ADAMTS17: variants seen among roughly 807,000 people sequenced by gnomAD.
ADAMTS17 encodes A disintegrin and metalloproteinase with thrombospondin motifs 17.
In ADAMTS17, 113 loss-of-function variants were observed where a neutral mutation model predicts 141.5. That is an observed-to-expected ratio of 0.80 (90% CI 0.69 to 0.93). The LOEUF (loss-of-function observed/expected upper bound fraction) is 0.93, where lower values mean the gene tolerates loss of function less well. Ranked by LOEUF, ADAMTS17 falls within the 40% of genes least tolerant of loss-of-function variation. The pLI, the probability that ADAMTS17 is intolerant of heterozygous loss-of-function variation, is 0.00. For missense variants in ADAMTS17, 1,659 were observed against 1,517.9 expected (o/e 1.09, Z -1.54); for synonymous variants, 768 against 630.6 (o/e 1.22, Z -3.27).
intron 15 of ADAMTS17, among the ~76,000 whole-genome samples, chr15:100,073,273 G>C (rs36178621): frequency 0.039 from 5,900 of 152,252 alleles, 403 homozygotes; most frequent in African/African-American, 0.14. Context: ...ACAGGTGCTG[G>C]AGAGGATGTG....
At chr15:100,112,025 C>T (rs931436682) in intron 13 of ADAMTS17, among the ~76,000 whole-genome samples, 2 of 152,258 alleles carry the variant, frequency 1.3e-5, no homozygotes, top group African/African-American at 4.8e-5. Context: ...ATGCATGTTT[C>T]TGGCTTCCGA....
At chr15:100,021,082 G>A (rs2061399100) in intron 18 of ADAMTS17, among the ~76,000 whole-genome samples, 1 of 152,152 alleles carries the variant, frequency 6.6e-6, no homozygotes, top group Admixed American at 6.5e-5. Context: ...AACTGTTTGA[G>A]GACCTTATCT....
chr15:100,157,096 G>C (rs2039471163), intron 8 of ADAMTS17, among the ~76,000 whole-genome samples: 1 of 152,196 alleles, frequency 6.6e-6, no homozygotes, highest in African/African-American at 2.4e-5. Context: ...GAAAATGCCA[G>C]ATGCTTACAA....
At chr15:100,235,780 A>G (rs932508260) in intron 7 of ADAMTS17, among the ~76,000 whole-genome samples, 4 of 152,188 alleles carry the variant, frequency 2.6e-5, no homozygotes, top group African/African-American at 9.7e-5. Context: ...ACAGCCAATG[A>G]TGATGGGGCA....
intron 18 of ADAMTS17, among the ~76,000 whole-genome samples, chr15:100,007,904 T>C (rs373117163): frequency 7.9e-5 from 12 of 151,736 alleles, no homozygotes; most frequent in African/African-American, 2.4e-4. Context: ...AGAAGACAGC[T>C]TGGAGGGCAG....
At chr15:100,136,392 C>T (rs2038335790) in intron 10 of ADAMTS17, among the ~76,000 whole-genome samples, 1 of 152,230 alleles carries the variant, frequency 6.6e-6, no homozygotes. Flanking sequence ...GCCACCAGCA[C>T]TGCTCTCTGC....
In ADAMTS17 at chr15:99,973,362, T is replaced by C; in HGVS notation, c.*1040A>G. 1 of 116,776 alleles carries C rather than the reference T, an allele frequency of 8.6e-6. No individual in the cohort carries two copies. Among genetic ancestry groups the C allele is most frequent in the Non-Finnish European group, 1.9e-5 (1 of 53,326 alleles). 7.2% of individuals were successfully genotyped at this position (116,776 alleles called of 1,614,324 possible). A position where few individuals can be genotyped will look rare whatever the true frequency, so the allele number is the denominator to read the frequency against. On this transcript the variant is annotated 3_prime_UTR_variant, in exon 22 of 22. Coordinates refer to ENST00000268070, the MANE Select transcript of ADAMTS17 (RefSeq NM_139057.4). ...CGTGCCAGGATAGAGCAGTCAGGCCTTGCTCTACAGATCCTAGGCCTGGGC... is the reference window on the plus strand; with the variant it reads ...CGTGCCAGGATAGAGCAGTCAGGCCCTGCTCTACAGATCCTAGGCCTGGGC...
At chr15:100,259,633 T>C (rs1326669591) in intron 6 of ADAMTS17, among the ~76,000 whole-genome samples, 1 of 152,272 alleles carries the variant, frequency 6.6e-6, no homozygotes, top group Non-Finnish European at 1.5e-5. Flanking sequence ...CAATAACTGA[T>C]TGTCTATGAT....
intron 3 of ADAMTS17, among the ~76,000 whole-genome samples, chr15:100,318,082 A>C (rs1353704054): frequency 6.6e-6 from 1 of 152,160 alleles, no homozygotes; most frequent in South Asian, 2.1e-4. Flanking sequence ...GCCTCCATCA[A>C]TGACTGAGGT....
intron 20 of ADAMTS17, among the ~76,000 whole-genome samples, chr15:99,982,869 A>G (rs988764404): frequency 1.3e-5 from 2 of 152,162 alleles, no homozygotes; most frequent in African/African-American, 4.8e-5. Context: ...TGCCCGGTGG[A>G]GAGGCAGCCT....
intron 15 of ADAMTS17, among the ~76,000 whole-genome samples, chr15:100,062,689 C>T (rs1269411303): frequency 6.6e-6 from 1 of 152,140 alleles, no homozygotes; most frequent in Non-Finnish European, 1.5e-5. Flanking sequence ...TAGCTAAAAT[C>T]ATTTTTGAAA....
At chr15:100,265,872 C>T (rs1055825800) in intron 4 of ADAMTS17, among the ~76,000 whole-genome samples, 2 of 152,212 alleles carry the variant, frequency 1.3e-5, no homozygotes, top group South Asian at 2.1e-4. Context: ...CTGGAGTCCA[C>T]CCCAGCCCCC....
chr15:99,981,772 G>T (rs2060486670), intron 20 of ADAMTS17, among the ~76,000 whole-genome samples: 1 of 152,190 alleles, frequency 6.6e-6, no homozygotes, highest in Non-Finnish European at 1.5e-5. Flanking sequence ...TCTATAGTAA[G>T]AGCTACTTAT....
chr15:100,144,682 T>C (rs1336769522), intron 10 of ADAMTS17, among the ~76,000 whole-genome samples: 4 of 151,932 alleles, frequency 2.6e-5, no homozygotes, highest in African/African-American at 9.7e-5. Context: ...AAATGAAAAG[T>C]ATAATCTCTT....
chr15:100,294,293 GTCA>G (rs1455251671), intron 3 of ADAMTS17, among the ~76,000 whole-genome samples: 1 of 152,082 alleles, frequency 6.6e-6, no homozygotes, highest in South Asian at 2.1e-4. Flanking sequence ...GGTCTGAATG[GTCA>G]TATTCTCCAG....
rs1215448070 is a variant in ADAMTS17, at chr15:99,987,356, A to C, written c.2949+5692T>G. Among the ~76,000 whole-genome samples the C allele has an allele frequency of 2.6e-5, 4 of 152,114 alleles. No homozygotes were observed. The East Asian group carries it at 7.7e-4, about 29-fold the overall frequency. Reference sequence around the variant, plus strand: ...GCTGCTGCGGTGTTTGCCTCCCAAGACCTCGAAACTGGACAACTGGTTACA... The same window carrying C: ...GCTGCTGCGGTGTTTGCCTCCCAAGCCCTCGAAACTGGACAACTGGTTACA... On this transcript the variant is annotated intron_variant, in intron 20 of 21. Transcript: ENST00000268070.
chr15:100,249,125 C>CA (rs1408601169), intron 7 of ADAMTS17, among the ~76,000 whole-genome samples: 2 of 152,134 alleles, frequency 1.3e-5, no homozygotes, highest in Non-Finnish European at 2.9e-5. Context: ...AAAGCATGCC[C>CA]ATTCATCTGC....
At chr15:100,075,562 G>A (rs990858002) in intron 15 of ADAMTS17, among the ~76,000 whole-genome samples, 10 of 152,118 alleles carry the variant, frequency 6.6e-5, no homozygotes, top group Non-Finnish European at 2.9e-5. Context: ...CCTATTATTA[G>A]GTTCTCTAAA....
intron 7 of ADAMTS17, 61 bp downstream of exon 7, chr15:100,254,075 G>A: frequency 2.6e-6 from 4 of 1,521,946 alleles, no homozygotes; most frequent in African/African-American, 1.4e-5. Context: ...TGACCAGGAA[G>A]TCTCCAGATT....
Sources: gnomAD v4.1 joint callset for allele counts (sites outside exome capture counted in the v4.1 genomes callset) on GRCh38, gnomAD v4.1.1 for gene constraint, MANE v1.5 for transcripts, NCBI Gene and HGNC (gene_info 2026-07-23, HGNC 2026-07-21) for gene names.